The following TRAPPC10 variants were observed in gnomAD, a reference collection of about 807,000 sequenced individuals.
TRAPPC10 encodes the protein trafficking protein particle complex subunit 10.
A neutral mutation model predicts 125.5 loss-of-function variants in TRAPPC10; 23 were observed. The ratio of observed to expected loss-of-function variants is 0.18; its 90% CI spans 0.13 to 0.26. The LOEUF (loss-of-function observed/expected upper bound fraction) is 0.26. TRAPPC10 is among the 10% of genes least tolerant of loss of function. The pLI is 1.00. For synonymous variants in TRAPPC10, 509 were observed against 518.0 expected, an observed-to-expected ratio of 0.98 and a Z score of 0.24; for missense variants, 1,123 against 1,308.4, an observed-to-expected ratio of 0.86 and a Z score of 2.19.
chr21:44,094,162 C>T lies in TRAPPC10; in HGVS notation c.3097C>T (p.Pro1033Ser). 1 of 1,614,186 alleles carries T rather than the reference C, an allele frequency of 6.2e-7. No homozygotes were observed. Among genetic ancestry groups the T allele is most frequent in the Non-Finnish European group, 8.5e-7 (1 of 1,180,032 alleles). ...TTGCCGGTTCTCTGTTGGATTTTCCCCAGCTTCTGAGGAACAGCTGTCTAT... is the reference window on the plus strand; with the variant it reads ...TTGCCGGTTCTCTGTTGGATTTTCCTCAGCTTCTGAGGAACAGCTGTCTAT... ...LHCRFSVGFS[P>S]ASEEQLSISL... The change falls in exon 20 of 23, where the codon CCA becomes TCA. Residue 1033 changes from proline (P) to serine (S), a missense_variant. Coordinates refer to ENST00000291574, the MANE Select transcript of TRAPPC10 (RefSeq NM_003274.5).
At chr21:44,023,726 T>C (rs2032786762) in intron 1 of TRAPPC10, among the ~76,000 whole-genome samples, 1 of 152,254 alleles carries the variant, frequency 6.6e-6, no homozygotes, top group African/African-American at 2.4e-5. Context: ...TGAGGCCTTT[T>C]CAATAGGCAG....
rs771840347 is a variant in TRAPPC10 at position 44,075,129 on chromosome 21, T to A, written c.1276T>A (p.Leu426Met). The stretch of plus-strand genomic sequence containing the variant: ...CAGGACAGTTGACCTTTTGGCAGGT[T>A]TGGGAGCTGAGCGACCAGAAACAGG... ...LNRTVDLLAG[L>M]GAERPETANT... The change falls in exon 9 of 23, where the codon TTG becomes ATG. Residue 426 changes from leucine (L) to methionine (M), a missense_variant. Leu to Met is a conservative substitution (Grantham distance 15, BLOSUM62 2). Transcript: ENST00000291574. The A allele has an allele frequency of 6.2e-7, 1 of 1,614,154 alleles. No individual in the cohort carries two copies. The highest frequency in any genetic ancestry group is 1.1e-5 in the South Asian group (1 of 91,084).
intron 13 of TRAPPC10, among the ~76,000 whole-genome samples, chr21:44,081,017 C>CTTTTTTTT (rs67865929): frequency 1.2e-4 from 12 of 97,222 alleles, no homozygotes; most frequent in Non-Finnish European, 2.0e-4. Context: ...TTTTTTTTTT[C>CTTTTTTTT]TTTTTTTTTT....
intron 1 of TRAPPC10, among the ~76,000 whole-genome samples, chr21:44,028,416 G>T (rs923667995): frequency 1.3e-5 from 2 of 152,160 alleles, no homozygotes; most frequent in Non-Finnish European, 2.9e-5. Flanking sequence ...CCTCTGGGTG[G>T]CTGCTGCTTG....
intron 7 of TRAPPC10, 41 bp from the exon 8 acceptor site, chr21:44,074,283 C>T (rs756527087): frequency 4.3e-6 from 7 of 1,611,782 alleles, no homozygotes; most frequent in Middle Eastern, 2.1e-4. Context: ...CTAGAGCTGT[C>T]CCGGAGCACC....
chr21:44,069,380 A>G (rs1394815878), intron 7 of TRAPPC10, among the ~76,000 whole-genome samples: 1 of 152,188 alleles, frequency 6.6e-6, no homozygotes, highest in Non-Finnish European at 1.5e-5. Context: ...AGGAAATCCA[A>G]ATGGCCGATA....
chr21:44,044,915 C>G (rs2034673992), intron 3 of TRAPPC10, among the ~76,000 whole-genome samples: 1 of 152,114 alleles, frequency 6.6e-6, no homozygotes, highest in South Asian at 2.1e-4. Flanking sequence ...ATCTGCCCAC[C>G]TGGGCCTCCT....
In TRAPPC10 at chr21:44,063,206, A is replaced by G; in HGVS notation, c.791-332A>G. On this transcript the variant is annotated intron_variant, in intron 6 of 22. Coordinates refer to ENST00000291574, the MANE Select transcript of TRAPPC10 (RefSeq NM_003274.5). The surrounding 1 kb of genome is among the most constrained non-coding windows in gnomAD (Gnocchi z 4.4). ...AAGCCCAGCCCCGCTGCAGCCTAAG[A>G]CTAGAGCCCTCCCTCGGCCTGAGAC... is the stretch of plus-strand genomic sequence containing the variant. 7.9e-7 allele frequency: 1 copy of G among 1,273,730 alleles called. No individual in the cohort carries two copies. Among genetic ancestry groups the G allele is most frequent in the South Asian group, 1.4e-5 (1 of 72,000 alleles). The allele number at this position is 1,273,730 out of a possible 1,614,324, so 78.9% of individuals were successfully genotyped here.
In TRAPPC10 at chr21:44,079,685, C is replaced by A; in HGVS notation, c.1591C>A (p.His531Asn). ...GAAGCAGCTGGCCGAATGTCAAAAG[C>A]ACCTTGGACAAATTGAAAAGTATCC... Reference protein sequence around the residue: ...TRKQLAECQKHLGQIENYLQT... With the variant: ...TRKQLAECQKNLGQIENYLQT... The change falls in exon 12 of 23, where the codon CAC becomes AAC. Residue 531 changes from histidine (H) to asparagine (N), a missense_variant. By Grantham distance (68) the His-to-Asn change is moderately conservative. This residue lies in a region of TRAPPC10 where 840 missense variants were observed against 902.0 expected (regional missense o/e 0.93). Transcript: ENST00000291574. 6.2e-7 allele frequency: 1 copy of A among 1,605,158 alleles called. No individual in the cohort carries two copies. The highest frequency in any genetic ancestry group is 2.2e-5 in the East Asian group (1 of 44,852).
Position 44,088,269 on chromosome 21 carries a change from G to A in TRAPPC10, c.2769+341G>A, listed in dbSNP as rs973350182. ...CGAGGCCAGAGGAGGTCTGTGTCGT[G>A]TGTGCCTCGGTGTCTGTCCACTGAA... is the stretch of plus-strand genomic sequence containing the variant. On this transcript the variant is annotated intron_variant, in intron 17 of 22. Coordinates refer to ENST00000291574, the MANE Select transcript of TRAPPC10 (RefSeq NM_003274.5). The A allele has an allele frequency of 1.4e-5, 4 of 286,018 alleles. No homozygotes were observed. The East Asian group carries it at 2.3e-4, about 16-fold the overall frequency. 17.7% of individuals were successfully genotyped at this position (286,018 alleles called of 1,614,324 possible). A position where few individuals can be genotyped will look rare whatever the true frequency, so the allele number is the denominator to read the frequency against.
At chr21:44,065,097 G>A (rs376598702) in intron 7 of TRAPPC10, among the ~76,000 whole-genome samples, 6 of 152,164 alleles carry the variant, frequency 3.9e-5, no homozygotes. Context: ...TTACTAGCCG[G>A]GAGGGGGGAA....
In TRAPPC10 at chr21:44,059,053, A is replaced by G; in HGVS notation, c.679-50A>G. On this transcript the variant is annotated intron_variant, in intron 5 of 22. Transcript: ENST00000291574. The surrounding 1 kb of genome is among the most constrained non-coding windows in gnomAD (Gnocchi z 4.4). ...AATGGCTACATACTGTTTCTTCTAT[A>G]CATTGATTTATGTTTTTGTTTTTTT... 4 of 1,413,582 alleles carry G rather than the reference A, an allele frequency of 2.8e-6. No homozygotes were observed. Among genetic ancestry groups the G allele is most frequent in the Non-Finnish European group, 3.9e-6 (4 of 1,029,658 alleles). The allele number at this position is 1,413,582 out of a possible 1,614,324, so 87.6% of individuals were successfully genotyped here. A position where few individuals can be genotyped will look rare whatever the true frequency, so the allele number is the denominator to read the frequency against.
chr21:44,063,596 C>T lies in TRAPPC10; in HGVS notation c.849C>T (p.Ile283=). 6.2e-7 allele frequency: 1 copy of T among 1,614,166 alleles called. No homozygotes were observed. The highest frequency in any genetic ancestry group is 8.5e-7 in the Non-Finnish European group (1 of 1,180,022). ...CQPVKSWNGL[I]LRKPIDMEKR... is the part of the protein sequence containing the mutation. ...CAGTGAAGAGCTGGAACGGATTGATCCTCCGAAAACCCATAGATATGGAGA... is the reference window on the plus strand; with the variant it reads ...CAGTGAAGAGCTGGAACGGATTGATTCTCCGAAAACCCATAGATATGGAGA... The change falls in exon 7 of 23, where the codon ATC becomes ATT. Residue 283 remains isoleucine (I), a synonymous_variant. Coordinates refer to ENST00000291574, the MANE Select transcript of TRAPPC10 (RefSeq NM_003274.5). The surrounding 1 kb of genome is among the most constrained non-coding windows in gnomAD (Gnocchi z 4.4).
intron 18 of TRAPPC10, among the ~76,000 whole-genome samples, chr21:44,090,647 C>T (rs1419168463): frequency 6.6e-6 from 1 of 152,036 alleles, no homozygotes; most frequent in African/African-American, 2.4e-5. Flanking sequence ...ACCGGGAGGC[C>T]CACGGTGTCC....
intron 7 of TRAPPC10, among the ~76,000 whole-genome samples, chr21:44,064,303 A>ATGTGTGTGTGTGTGTG (rs10526131): frequency 1.3e-5 from 2 of 148,212 alleles, no homozygotes; most frequent in Non-Finnish European, 3.0e-5. Flanking sequence ...TGTCATAAAT[A>ATGTGTGTGTGTGTGTG]TGTGTGTGTG....
At chr21:44,049,069 C>G (rs1345101138) in intron 3 of TRAPPC10, among the ~76,000 whole-genome samples, 2 of 152,150 alleles carry the variant, frequency 1.3e-5, no homozygotes, top group East Asian at 1.9e-4. Context: ...AGCCCTGGCT[C>G]CTTCCAGTGG....
intron 4 of TRAPPC10, among the ~76,000 whole-genome samples, chr21:44,053,529 A>G (rs2035367837): frequency 1.3e-5 from 2 of 152,238 alleles, no homozygotes; most frequent in South Asian, 4.1e-4. Context: ...AAACAACAAT[A>G]TTAGAATACT....
intron 7 of TRAPPC10, among the ~76,000 whole-genome samples, chr21:44,066,431 A>G (rs2036455893): frequency 6.6e-6 from 1 of 152,224 alleles, no homozygotes; most frequent in Non-Finnish European, 1.5e-5. Flanking sequence ...TACCTTGCAC[A>G]GCTGGCTGCT....
chr21:44,077,919 A>G (rs1163956979), intron 11 of TRAPPC10, 135 bp downstream of exon 11: 2 of 531,914 alleles, frequency 3.8e-6, no homozygotes, highest in Admixed American at 4.3e-5. Flanking sequence ...CAGTCCTCAT[A>G]ATTTTTTTTT....
Sources: gnomAD v4.1 joint callset for allele counts (sites outside exome capture counted in the v4.1 genomes callset) on GRCh38, gnomAD v4.1.1 for gene constraint, gnomAD v4.1.1 regional missense constraint, Gnocchi (gnomAD v3.1) non-coding constraint, MANE v1.5 for transcripts, NCBI Gene and HGNC (gene_info 2026-07-23, HGNC 2026-07-21) for gene names.